The following GTF2A1 variants were observed in gnomAD, a reference collection of about 807,000 sequenced individuals.
The protein encoded by GTF2A1 is general transcription factor IIA subunit 1, also known as transcription initiation factor IIA subunit 1.
Under a neutral mutation model 54.1 loss-of-function variants are expected in GTF2A1, and 12 were observed. The observed-to-expected ratio is 0.22, with a 90% CI of 0.14 to 0.36. GTF2A1 has a LOEUF of 0.36. Among genes scored for constraint, GTF2A1 ranks in the 10% least tolerant of loss-of-function variants. The pLI is 1.00. For missense variants in GTF2A1, 335 were observed against 442.2 expected, an observed-to-expected ratio of 0.76 and a Z score of 2.17; for synonymous variants, 145 against 152.0, an observed-to-expected ratio of 0.95 and a Z score of 0.34.
At chr14:81,187,021 A>AT (rs1461638538) in intron 7 of GTF2A1, among the ~76,000 whole-genome samples, 1 of 152,062 alleles carries the variant, frequency 6.6e-6, no homozygotes, top group Non-Finnish European at 1.5e-5. Flanking sequence ...ATGTATAGAT[A>AT]TTCTTTAATT....
intron 2 of GTF2A1, among the ~76,000 whole-genome samples, chr14:81,210,822 T>C (rs1213451177): frequency 6.6e-6 from 1 of 152,138 alleles, no homozygotes; most frequent in Non-Finnish European, 1.5e-5. Context: ...CCCAAAGTGC[T>C]GGAATTACAG....
At position 81,220,704 on chromosome 14, in the gene GTF2A1, T is replaced by C. The variant is rs1595237203; in HGVS notation, c.-186A>G. On this transcript the variant is annotated 5_prime_UTR_variant, in exon 1 of 9. Transcript: ENST00000553612. ...GGAGAGAGGAGGAGGAGGGGGGCAC[T>C]CCTCCCGCAGCTGAAAACCTCGAGA... The C allele has an allele frequency of 2.4e-5, 6 of 247,418 alleles. No homozygotes were observed. The highest frequency in any genetic ancestry group is 2.2e-4 in the South Asian group (2 of 8,960). 15.3% of individuals were successfully genotyped at this position (247,418 alleles called of 1,614,324 possible). A position where few individuals can be genotyped will look rare whatever the true frequency, so the allele number is the denominator to read the frequency against.
At chr14:81,212,507 T>G (rs1893394958) in intron 2 of GTF2A1, among the ~76,000 whole-genome samples, 1 of 152,208 alleles carries the variant, frequency 6.6e-6, no homozygotes, top group South Asian at 2.1e-4. Context: ...CATCTCCCTT[T>G]CTGCTTACCT....
Position 81,192,760 on chromosome 14 carries a change from T to C in GTF2A1, c.692A>G (p.Asn231Ser), listed in dbSNP as rs1238148117. ...IQPQQILFTG[N>S]KTQVIPTTVA... Reference sequence around the variant, plus strand: ...TGTCGTAGGTATAACTTGAGTCTTATTTCCTGTAAATAAGATTTGCTGAGG... The same window carrying C: ...TGTCGTAGGTATAACTTGAGTCTTACTTCCTGTAAATAAGATTTGCTGAGG... Residue 231 changes from asparagine (N) to serine (S), a missense_variant, in exon 7 of 9, where the codon AAT becomes AGT. Asn to Ser is a conservative substitution (Grantham distance 46, BLOSUM62 1). This residue lies in a region of GTF2A1 where 306 missense variants were observed against 360.4 expected (regional missense o/e 0.85). Transcript: ENST00000553612. 6.2e-7 allele frequency: 1 copy of C among 1,613,680 alleles called. No homozygotes were observed. The highest frequency in any genetic ancestry group is 8.5e-7 in the Non-Finnish European group (1 of 1,179,524).
At chr14:81,200,798 G>A (rs571650414) in intron 4 of GTF2A1, among the ~76,000 whole-genome samples, 1 of 148,930 alleles carries the variant, frequency 6.7e-6, no homozygotes, top group Admixed American at 6.7e-5. Context: ...GAAATCAACA[G>A]TCTGTATATT....
intron 6 of GTF2A1, among the ~76,000 whole-genome samples, chr14:81,193,387 G>C (rs2288497): frequency 6.6e-6 from 1 of 151,820 alleles, no homozygotes; most frequent in Non-Finnish European, 1.5e-5. Flanking sequence ...GGCTGGTCTC[G>C]AACTCACGAC....
Position 81,177,705 on chromosome 14 carries a change from T to C in GTF2A1, c.*2518A>G, listed in dbSNP as rs1258042198. The C allele has an allele frequency of 6.6e-6, 1 of 152,164 alleles. No homozygotes were observed. Among genetic ancestry groups the C allele is most frequent in the Non-Finnish European group, 1.5e-5 (1 of 67,984 alleles). 9.4% of individuals were successfully genotyped at this position (152,164 alleles called of 1,614,324 possible). ...CTGAAAGTGGAAATCCCTTGCCTTT[T>C]CAAAGGAATGACATTTTAATGGAAC... On this transcript the variant is annotated 3_prime_UTR_variant, in exon 9 of 9. Coordinates refer to ENST00000553612, the MANE Select transcript of GTF2A1 (RefSeq NM_015859.4).
Position 81,180,207 on chromosome 14 carries a change from G to C in GTF2A1, c.*16C>G, listed in dbSNP as rs1892610762. On this transcript the variant is annotated 3_prime_UTR_variant, in exon 9 of 9. Transcript: ENST00000553612. ...TTTTAAGTTTCTTTTATTTATAAAA[G>C]AAAAAAAGCAACTCTTCACCATTCT... 2.1e-6 allele frequency: 2 copies of C among 938,142 alleles called. No homozygotes were observed. The highest frequency in any genetic ancestry group is 1.7e-5 in the South Asian group (1 of 60,480). The allele number at this position is 938,142 out of a possible 1,614,324, so 58.1% of individuals were successfully genotyped here.
intron 4 of GTF2A1, among the ~76,000 whole-genome samples, chr14:81,200,839 G>A (rs1488437205): frequency 6.7e-6 from 1 of 149,132 alleles, no homozygotes; most frequent in African/African-American, 2.5e-5. Context: ...CCATTTATAA[G>A]GAAGTATTGA....
intron 2 of GTF2A1, among the ~76,000 whole-genome samples, chr14:81,204,728 CA>C (rs1893192573): frequency 6.6e-6 from 1 of 152,156 alleles, no homozygotes; most frequent in Non-Finnish European, 1.5e-5. Flanking sequence ...TCCATTACGC[CA>C]ATTGACAATC....
At chr14:81,184,355 A>C (rs961123918) in intron 8 of GTF2A1, among the ~76,000 whole-genome samples, 7 of 152,142 alleles carry the variant, frequency 4.6e-5, no homozygotes, top group African/African-American at 1.4e-4. Flanking sequence ...TTTTGTTTTA[A>C]CCTCATAGTC....
intron 2 of GTF2A1, among the ~76,000 whole-genome samples, chr14:81,208,409 G>T (rs1021188403): frequency 6.6e-6 from 1 of 152,206 alleles, no homozygotes; most frequent in Admixed American, 6.5e-5. Context: ...GTATGGAAAC[G>T]CCTGGATGCC....
At chr14:81,188,479 CTG>C (rs991407526) in intron 7 of GTF2A1, among the ~76,000 whole-genome samples, 2 of 152,152 alleles carry the variant, frequency 1.3e-5, no homozygotes, top group Non-Finnish European at 2.9e-5. Context: ...TCTAAGAAAA[CTG>C]TTGCAAGCGG....
At chr14:81,202,634 A>C (rs538277519) in intron 3 of GTF2A1, 7 of 512,914 alleles carry the variant, frequency 1.4e-5, no homozygotes, top group Non-Finnish European at 2.3e-5. Context: ...GTAAACCGGC[A>C]AAAGTCGGAA....
chr14:81,181,550 CTTTTTT>C (rs963071706), intron 8 of GTF2A1, among the ~76,000 whole-genome samples: 1 of 151,886 alleles, frequency 6.6e-6, no homozygotes, highest in Admixed American at 6.6e-5. Context: ...TTTTCTTTTT[CTTTTTT>C]TTCTTTGAGA....
intron 2 of GTF2A1, among the ~76,000 whole-genome samples, chr14:81,205,143 T>G (rs1230198099): frequency 3.3e-5 from 5 of 152,018 alleles, no homozygotes; most frequent in Admixed American, 3.3e-4. Context: ...ATTTAAGAAA[T>G]AGTGACAAGA....
chr14:81,217,432 T>C (rs1479689402), intron 1 of GTF2A1, among the ~76,000 whole-genome samples: 1 of 152,250 alleles, frequency 6.6e-6, no homozygotes, highest in Non-Finnish European at 1.5e-5. Flanking sequence ...TAGAGCTGCC[T>C]TGACAAAACT....
intron 2 of GTF2A1, among the ~76,000 whole-genome samples, chr14:81,208,319 C>T (rs1485838534): frequency 2.0e-5 from 3 of 152,172 alleles, no homozygotes; most frequent in Admixed American, 6.5e-5. Flanking sequence ...ACCTTGGCAG[C>T]GTTCCTGTGG....
chr14:81,208,410 C>G (rs1893289522), intron 2 of GTF2A1, among the ~76,000 whole-genome samples: 1 of 152,216 alleles, frequency 6.6e-6, no homozygotes, highest in Non-Finnish European at 1.5e-5. Flanking sequence ...TATGGAAACG[C>G]CTGGATGCCC....
Sources: gnomAD v4.1 joint callset for allele counts (sites outside exome capture counted in the v4.1 genomes callset) on GRCh38, gnomAD v4.1.1 for gene constraint, gnomAD v4.1.1 regional missense constraint, MANE v1.5 for transcripts, NCBI Gene and HGNC (gene_info 2026-07-23, HGNC 2026-07-21) for gene names.